The following MDGA2 variants were observed in gnomAD, a reference collection of about 807,000 sequenced individuals.
The protein encoded by MDGA2 is MAM domain containing glycosylphosphatidylinositol anchor 2, also known as MAM domain-containing glycosylphosphatidylinositol anchor protein 2.
MDGA2 carries 40 observed loss-of-function variants against 117.8 expected under a neutral mutation model. The observed-to-expected ratio is 0.34, with a 90% CI of 0.26 to 0.44. MDGA2 has a LOEUF of 0.44. MDGA2 is among the 20% of genes least tolerant of loss of function. MDGA2 has a pLI of 1.00. For synonymous variants in MDGA2, 452 were observed against 439.0 expected (o/e 1.03, Z -0.37); for missense variants, 1,123 against 1,250.6 (o/e 0.90, Z 1.54).
At chr14:47,099,201 CT>C (rs1880157970) in intron 5 of MDGA2, among the ~76,000 whole-genome samples, 1 of 151,810 alleles carries the variant, frequency 6.6e-6, no homozygotes, top group Admixed American at 6.6e-5. Context: ...CCAAAATTTG[CT>C]AGCTTTAAAT....
intron 1 of MDGA2, among the ~76,000 whole-genome samples, chr14:47,650,319 G>A (rs1897616128): frequency 6.6e-6 from 1 of 152,170 alleles, no homozygotes; most frequent in South Asian, 2.1e-4. Flanking sequence ...CCATAATCAT[G>A]TGAGCCAATT....
At chr14:47,439,818 A>AGTAT (rs1555322026) in intron 1 of MDGA2, among the ~76,000 whole-genome samples, 4 of 150,304 alleles carry the variant, frequency 2.7e-5, no homozygotes, top group South Asian at 2.1e-4. Context: ...TCACTAAGGG[A>AGTAT]GTGTGTGTGT....
At chr14:47,545,598 C>T (rs1192057771) in intron 1 of MDGA2, among the ~76,000 whole-genome samples, 1 of 152,154 alleles carries the variant, frequency 6.6e-6, no homozygotes, top group Non-Finnish European at 1.5e-5. Flanking sequence ...GTTTTATTTA[C>T]ACAGGTGACT....
intron 9 of MDGA2, among the ~76,000 whole-genome samples, chr14:46,937,612 G>A (rs1406326981): frequency 1.3e-5 from 2 of 152,002 alleles, no homozygotes; most frequent in East Asian, 1.9e-4. Context: ...GCACATAGAC[G>A]AATGGACTAG....
intron 4 of MDGA2, among the ~76,000 whole-genome samples, chr14:47,137,606 C>T (rs1197105907): frequency 6.6e-6 from 1 of 152,126 alleles, no homozygotes; most frequent in Non-Finnish European, 1.5e-5. Flanking sequence ...AAGCCCTCAC[C>T]AGACGCAGAT....
At chr14:47,270,509 A>G (rs8017046) in intron 2 of MDGA2, among the ~76,000 whole-genome samples, 4,472 of 152,258 alleles carry the variant, frequency 0.029, 223 homozygotes, top group African/African-American at 0.1. Flanking sequence ...AATATATTCA[A>G]AACATATAGA....
At chr14:47,233,510 T>C (rs913524715) in intron 2 of MDGA2, among the ~76,000 whole-genome samples, 1 of 152,140 alleles carries the variant, frequency 6.6e-6, no homozygotes, top group Non-Finnish European at 1.5e-5. Flanking sequence ...ACTTTAGCCT[T>C]GGTTGTCATT....
intron 5 of MDGA2, among the ~76,000 whole-genome samples, chr14:47,121,478 T>A: frequency 6.6e-6 from 1 of 152,032 alleles, no homozygotes; most frequent in East Asian, 1.9e-4. Flanking sequence ...TGATTTAATA[T>A]TACTTCTGAA....
In MDGA2 at chr14:47,306,988, C is replaced by A. The variant is rs570251248; in HGVS notation, c.281-5438G>T. On this transcript the variant is annotated intron_variant, in intron 1 of 16. Transcript: ENST00000399232. ...CTGTCATTCTGTTTTGCTTGTAAAG[C>A]AAACATAACAATAATCAAACTTTCT... Among the ~76,000 whole-genome samples, 5 of 152,104 alleles carry A rather than the reference C, an allele frequency of 3.3e-5. No homozygotes were observed. The South Asian group carries it at 1.0e-3, about 31-fold the overall frequency.
At chr14:46,863,406 A>G (rs1458348108) in intron 14 of MDGA2, among the ~76,000 whole-genome samples, 1 of 152,184 alleles carries the variant, frequency 6.6e-6, no homozygotes, top group Non-Finnish European at 1.5e-5. Flanking sequence ...TATTCTCTAT[A>G]GAATTCTAAA....
chr14:47,276,066 G>C (rs1888302196), intron 2 of MDGA2, among the ~76,000 whole-genome samples: 1 of 152,146 alleles, frequency 6.6e-6, no homozygotes, highest in African/African-American at 2.4e-5. Context: ...CCTCTGTCAA[G>C]GCAGTGTAGA....
chr14:47,391,003 C>A (rs569770243), intron 1 of MDGA2, among the ~76,000 whole-genome samples: 2 of 152,264 alleles, frequency 1.3e-5, no homozygotes, highest in East Asian at 3.9e-4. Context: ...CCAGCCCTTG[C>A]ATATTTACAA....
chr14:46,998,431 T>C, intron 8 of MDGA2, among the ~76,000 whole-genome samples: 1 of 152,158 alleles, frequency 6.6e-6, no homozygotes, highest in East Asian at 1.9e-4. Context: ...TAGAAATATA[T>C]TATCTGGACA....
chr14:47,320,091 T>G (rs1331678618), intron 1 of MDGA2, among the ~76,000 whole-genome samples: 1 of 152,114 alleles, frequency 6.6e-6, no homozygotes, highest in African/African-American at 2.4e-5. Context: ...CTTACAGCCC[T>G]CAGAAGAAAC....
chr14:47,412,187 AAAAC>A (rs935054507), intron 1 of MDGA2, among the ~76,000 whole-genome samples: 106 of 152,322 alleles, frequency 7.0e-4, no homozygotes, highest in South Asian at 2.9e-3. Context: ...TGTGAGGCAA[AAAAC>A]AAACAAACAA....
chr14:47,669,380 T>C (rs918940980), intron 1 of MDGA2, among the ~76,000 whole-genome samples: 1 of 152,222 alleles, frequency 6.6e-6, no homozygotes, highest in African/African-American at 2.4e-5. Flanking sequence ...GTTAATTGTC[T>C]AAACTCTGGC....
intron 3 of MDGA2, among the ~76,000 whole-genome samples, chr14:47,206,540 AG>A (rs1425189270): frequency 6.6e-6 from 1 of 151,984 alleles, no homozygotes; most frequent in East Asian, 1.9e-4. Context: ...GCAGTAAGTT[AG>A]GATCACTCCA....
intron 1 of MDGA2, among the ~76,000 whole-genome samples, chr14:47,474,846 A>G (rs1029775773): frequency 6.6e-6 from 1 of 152,216 alleles, no homozygotes; most frequent in African/African-American, 2.4e-5. Context: ...AATAGATTAA[A>G]GACTTAAATG....
intron 6 of MDGA2, among the ~76,000 whole-genome samples, chr14:47,079,313 C>T (rs1046687664): frequency 3.9e-5 from 6 of 152,128 alleles, no homozygotes; most frequent in African/African-American, 1.4e-4. Context: ...TTAATTTTGT[C>T]CTTGATTCTA....
Sources: gnomAD v4.1 joint callset for allele counts (sites outside exome capture counted in the v4.1 genomes callset) on GRCh38, gnomAD v4.1.1 for gene constraint, MANE v1.5 for transcripts, NCBI Gene and HGNC (gene_info 2026-07-23, HGNC 2026-07-21) for gene names.